The following IL3RA variants were observed in gnomAD, a reference collection of about 807,000 sequenced individuals.
IL3RA encodes interleukin 3 receptor subunit alpha, also known as interleukin-3 receptor subunit alpha.
In IL3RA, 73 loss-of-function variants were observed where a neutral mutation model predicts 52.3. That is an observed-to-expected ratio of 1.40 (90% confidence interval 1.16 to 1.70). The LOEUF is 1.70. Among genes scored for constraint, IL3RA ranks in the 40% most tolerant of loss-of-function variants. The pLI, the probability that IL3RA is intolerant of heterozygous loss-of-function variation, is 0.00. For missense variants in IL3RA, 664 were observed against 504.4 expected, an observed-to-expected ratio of 1.32 and a Z score of -3.03; for synonymous variants, 260 against 194.0, an observed-to-expected ratio of 1.34 and a Z score of -2.83.
intron 3 of IL3RA, among the ~76,000 whole-genome samples, chrX:1,348,075 G>A (rs1446639043): frequency 1.6e-4 from 23 of 147,322 alleles, no homozygotes; most frequent in Admixed American, 1.2e-3. Flanking sequence ...GGCCGGGCAC[G>A]GTGGCTCACG....
Position 1,376,653 on chromosome X carries a change from C to T in IL3RA, c.875-2006C>T, listed in dbSNP as rs867931229. On this transcript the variant is annotated intron_variant, in intron 9 of 11. Coordinates refer to ENST00000331035, the MANE Select transcript of IL3RA (RefSeq NM_002183.4). Reference sequence around the variant, plus strand: ...CTGTGAGGACACAGGGAGAAGACGGCGTCTCCAAGCCCAGGAGAGAGGCCT... The same window carrying T: ...CTGTGAGGACACAGGGAGAAGACGGTGTCTCCAAGCCCAGGAGAGAGGCCT... Among the ~76,000 whole-genome samples the T allele has an allele frequency of 4.1e-5, 6 of 144,908 alleles. No homozygotes were observed. The South Asian group carries it at 7.1e-4, about 17-fold the overall frequency.
In IL3RA at chrX:1,365,253, G is replaced by T; in HGVS notation, c.874+1G>T. On this transcript the variant is annotated splice_donor_variant, in intron 9 of 11. Coordinates refer to ENST00000331035, the MANE Select transcript of IL3RA (RefSeq NM_002183.4). LOFTEE classifies it high-confidence loss of function. ...GCCTGGAGCACCCCCCAGCGCTTCG[G>T]TGAGTGGGCTGTGCGGGGTGCGCGG... The T allele has an allele frequency of 6.2e-7, 1 of 1,605,244 alleles. No individual in the cohort carries two copies. Among genetic ancestry groups the T allele is most frequent in the South Asian group, 1.1e-5 (1 of 90,980 alleles).
intron 8 of IL3RA, among the ~76,000 whole-genome samples, chrX:1,364,645 GT>G (rs764659253): frequency 3.6e-4 from 52 of 143,262 alleles, no homozygotes; most frequent in Non-Finnish European, 3.5e-4. Context: ...AATTTTTACA[GT>G]TTTTTTTTTT....
intron 3 of IL3RA, among the ~76,000 whole-genome samples, chrX:1,347,941 G>A (rs1429967587): frequency 4.0e-5 from 6 of 150,966 alleles, no homozygotes; most frequent in African/African-American, 1.5e-4. Flanking sequence ...GGAGGATGAG[G>A]CAGGAGAATG....
At chrX:1,379,129 C>T (rs1283123307) in intron 10 of IL3RA, among the ~76,000 whole-genome samples, 1 of 151,500 alleles carries the variant, frequency 6.6e-6, no homozygotes, top group Admixed American at 6.6e-5. Flanking sequence ...AGGCGTAAGC[C>T]ACCTCGCCTG....
At chrX:1,360,587 C>T (rs1309803446) in intron 8 of IL3RA, among the ~76,000 whole-genome samples, 5 of 151,996 alleles carry the variant, frequency 3.3e-5, no homozygotes, top group South Asian at 2.1e-4. Context: ...GGCACGATCT[C>T]GGCTCACTGC....
At chrX:1,361,476 G>T (rs1336286121) in intron 8 of IL3RA, among the ~76,000 whole-genome samples, 1 of 152,136 alleles carries the variant, frequency 6.6e-6, no homozygotes, top group Non-Finnish European at 1.5e-5. Flanking sequence ...CAGTCGCCGG[G>T]CGCAGTGACT....
Position 1,342,749 on chromosome X carries a change from C to T in IL3RA, c.64+920C>T, listed in dbSNP as rs184283422. On this transcript the variant is annotated intron_variant, in intron 2 of 11. Transcript: ENST00000331035. ...CTAATTTTTCTGTTTTTACTAGAGA[C>T]GGGGTTTCACCGTGTTAGACAGGAT... Among the ~76,000 whole-genome samples, 28 of 150,310 alleles carry T rather than the reference C, an allele frequency of 1.9e-4. No homozygotes were observed. In the East Asian group the frequency reaches 4.8e-3, roughly 26 times the overall value.
rs200403260 is a variant in IL3RA, at chrX:1,345,328, C to T, written c.77C>T (p.Pro26Leu). 2 of 1,609,410 alleles carry T rather than the reference C, an allele frequency of 1.2e-6. No homozygotes were observed. Among genetic ancestry groups the T allele is most frequent in the Non-Finnish European group, 8.5e-7 (1 of 1,177,278 alleles). Residue 26 changes from proline (P) to leucine (L), a missense_variant, in exon 3 of 12, where the codon CCA (proline) becomes CTA (leucine). Transcript: ENST00000331035. ...GTCACCGTTTTAGATCCAAACCCACCAATCACGAACCTAAGGATGAAAGCA... is the reference window on the plus strand; with the variant it reads ...GTCACCGTTTTAGATCCAAACCCACTAATCACGAACCTAAGGATGAAAGCA... ...LLQTKEDPNP[P>L]ITNLRMKAKA...
chrX:1,356,392 G>A (rs1405048061), intron 7 of IL3RA, 56 bp downstream of exon 7: 1 of 1,012,374 alleles, frequency 9.9e-7, no homozygotes, highest in African/African-American at 2.2e-5. Flanking sequence ...CCTTATTTTT[G>A]GTAAGTCGCA....
chrX:1,382,457 A>G lies in IL3RA; in HGVS notation c.1129A>G (p.Lys377Glu). The G allele has an allele frequency of 6.2e-7, 1 of 1,613,858 alleles. No homozygotes were observed. ...GGTGACTGAAGTACAGGTCGTGCAG[A>G]AAACTTGAGACTGGGGTTCAGGGCT... ...CLVTEVQVVQ[K>E]T The change falls in exon 12 of 12, where the codon AAA becomes GAA. Residue 377 changes from lysine to glutamate, a missense_variant. Physicochemically the swap from Lys to Glu is moderately conservative, Grantham distance 56 (BLOSUM62 1). Transcript: ENST00000331035.
At chrX:1,364,860 G>C (rs2087793430) in intron 8 of IL3RA, among the ~76,000 whole-genome samples, 1 of 151,684 alleles carries the variant, frequency 6.6e-6, no homozygotes, top group Non-Finnish European at 1.5e-5. Flanking sequence ...CCAGGCTGCA[G>C]TGCAGTGGTG....
At chrX:1,344,374 T>C (rs1198764176) in intron 2 of IL3RA, among the ~76,000 whole-genome samples, 4 of 146,428 alleles carry the variant, frequency 2.7e-5, no homozygotes, top group East Asian at 4.2e-4. Flanking sequence ...GCGGAGGTTG[T>C]AGTGAGCCGA....
At chrX:1,358,483 C>G (rs1396530238) in intron 7 of IL3RA, among the ~76,000 whole-genome samples, 1 of 152,078 alleles carries the variant, frequency 6.6e-6, no homozygotes, top group Non-Finnish European at 1.5e-5. Flanking sequence ...CATGGTGAAA[C>G]TTTGTTTCCA....
chrX:1,346,019 G>A (rs1174877238), intron 3 of IL3RA, among the ~76,000 whole-genome samples: 5 of 151,818 alleles, frequency 3.3e-5, no homozygotes, highest in South Asian at 4.2e-4. Context: ...TGACTGGTGC[G>A]AAACCCAACC....
At chrX:1,377,162 C>G (rs753217639) in intron 9 of IL3RA, among the ~76,000 whole-genome samples, 2 of 152,330 alleles carry the variant, frequency 1.3e-5, no homozygotes, top group East Asian at 1.9e-4. Flanking sequence ...CCAGCCCTGC[C>G]CATGCCCATC....
intron 7 of IL3RA, among the ~76,000 whole-genome samples, chrX:1,357,315 T>C (rs1168821819): frequency 6.6e-6 from 1 of 151,818 alleles, no homozygotes; most frequent in Non-Finnish European, 1.5e-5. Context: ...TATTTATTTT[T>C]GAGACGGAGT....
At chrX:1,359,542 C>G (rs1423158564) in intron 8 of IL3RA, among the ~76,000 whole-genome samples, 14 of 149,342 alleles carry the variant, frequency 9.4e-5, no homozygotes, top group African/African-American at 3.5e-4. Context: ...TTCCCTCCCT[C>G]TATCTTTCTG....
chrX:1,363,216 G>A (rs1402489985), intron 8 of IL3RA, among the ~76,000 whole-genome samples: 1 of 152,120 alleles, frequency 6.6e-6, no homozygotes, highest in Non-Finnish European at 1.5e-5. Context: ...AAGGTGCTGG[G>A]GGCTAAGACT....
Sources: allele counts gnomAD v4.1 joint callset (sites outside exome capture counted in the v4.1 genomes callset), GRCh38; gene constraint gnomAD v4.1.1; transcripts MANE v1.5; gene names NCBI Gene and HGNC (gene_info 2026-07-23, HGNC 2026-07-21).